The following DUS2 variants were observed in gnomAD, a reference collection of about 807,000 sequenced individuals.
DUS2 encodes dihydrouridine synthase 2, also known as tRNA-dihydrouridine(20) synthase [NAD(P)+]-like.
A neutral mutation model predicts 71.3 loss-of-function variants in DUS2; 52 were observed. That is an observed-to-expected ratio of 0.73 (90% CI 0.58 to 0.92). DUS2 has a LOEUF of 0.92. DUS2 is among the 40% of genes least tolerant of loss of function. The pLI is 0.00. For synonymous variants in DUS2, 204 were observed against 227.8 expected (o/e 0.90, Z 0.94); for missense variants, 558 against 622.6 (o/e 0.90, Z 1.10).
At position 68,035,903 on chromosome 16, in the gene DUS2, T is replaced by C. The variant is rs1220184876; in HGVS notation, c.-18-2103T>C. Among the ~76,000 whole-genome samples the C allele has an allele frequency of 9.8e-4, 50 of 50,772 alleles. 1 individual carries two copies. The highest frequency in any genetic ancestry group is 2.4e-3 in the African/African-American group (45 of 19,050). 33.3% of individuals were successfully genotyped at this position (50,772 alleles called of 152,430 possible). A position where few individuals can be genotyped will look rare whatever the true frequency, so the allele number is the denominator to read the frequency against. ...CTAATTTTATATATATATATATATA[T>C]ATATATATATATATATATATATATA... On this transcript the variant is annotated intron_variant, in intron 2 of 16. Transcript: ENST00000565263.
intron 2 of DUS2, among the ~76,000 whole-genome samples, chr16:68,026,154 C>T (rs2033346297): frequency 6.6e-6 from 1 of 152,106 alleles, no homozygotes; most frequent in African/African-American, 2.4e-5. Context: ...CCAAACCCGG[C>T]TAATTTCTGT....
At chr16:68,073,055 A>C (rs367952818) in intron 12 of DUS2, among the ~76,000 whole-genome samples, 1 of 152,198 alleles carries the variant, frequency 6.6e-6, no homozygotes, top group Admixed American at 6.5e-5. Context: ...CTGCCATGCC[A>C]GAATTTGGTG....
intron 8 of DUS2, among the ~76,000 whole-genome samples, chr16:68,061,432 C>T (rs956305466): frequency 2.0e-5 from 3 of 152,198 alleles, no homozygotes. Context: ...GTCTTGAGAG[C>T]AGAGGCCAGC....
chr16:68,058,362 CT>C (rs2033891050), intron 7 of DUS2, among the ~76,000 whole-genome samples: 1 of 151,766 alleles, frequency 6.6e-6, no homozygotes, highest in African/African-American at 2.4e-5. Context: ...GTAGCTGGGA[CT>C]ACAGGTGCCC....
Position 68,072,678 on chromosome 16 carries a change from A to C in DUS2, c.811-1356A>C, listed in dbSNP as rs146609459. On this transcript the variant is annotated intron_variant, in intron 12 of 16. Coordinates refer to ENST00000565263, the MANE Select transcript of DUS2 (RefSeq NM_017803.5). ...TCCCAGCCACTGAAGTCATAGGCCC[A>C]CGTGGAGTTACTAGAGCAGCATAGG... is the stretch of plus-strand genomic sequence containing the variant. Among the ~76,000 whole-genome samples the C allele has an allele frequency of 9.5e-3, 1,437 of 150,854 alleles. 10 individuals are homozygous for C. The highest frequency in any genetic ancestry group is 0.014 in the Non-Finnish European group (950 of 67,604).
At chr16:68,044,955 G>C (rs900767882) in intron 3 of DUS2, among the ~76,000 whole-genome samples, 1 of 151,714 alleles carries the variant, frequency 6.6e-6, no homozygotes, top group Non-Finnish European at 1.5e-5. Context: ...ACCATGCCTG[G>C]ATAATTTTTG....
intron 3 of DUS2, among the ~76,000 whole-genome samples, chr16:68,047,716 C>A (rs2033725270): frequency 6.6e-6 from 1 of 151,516 alleles, no homozygotes; most frequent in Non-Finnish European, 1.5e-5. Flanking sequence ...CTCCTGACCT[C>A]AAGTGATCTG....
intron 3 of DUS2, among the ~76,000 whole-genome samples, chr16:68,047,690 C>T (rs2033725018): frequency 6.6e-6 from 1 of 151,770 alleles, no homozygotes; most frequent in Admixed American, 6.6e-5. Flanking sequence ...ACCATGTTGG[C>T]CAGGATGGTC....
In DUS2 at chr16:68,078,864, G is replaced by C. The variant is rs34202379; in HGVS notation, c.1360G>C (p.Glu454Gln). The C allele has an allele frequency of 1.2e-3, 1,946 of 1,613,894 alleles. 35 individuals are homozygous for C. The African/African-American group carries it at 0.022, about 19-fold the overall frequency. ...ESPSLHKRKR[E>Q]APDQDPGGPR... ...CCCTTCCTTGCACAAGCGAAAGAGG[G>C]AGGCTCCTGACCAAGACCCTGGGGG... Residue 454 changes from glutamate (E) to glutamine (Q), a missense_variant, in exon 17 of 17, where the codon GAG becomes CAG. By Grantham distance (29) the Glu-to-Gln change is conservative. Transcript: ENST00000565263.
chr16:68,077,083 C>T (rs1442936868), intron 15 of DUS2, among the ~76,000 whole-genome samples: 6 of 151,964 alleles, frequency 3.9e-5, no homozygotes, highest in African/African-American at 7.3e-5. Context: ...GGTGAAACCC[C>T]GTTTTCCTAA....
intron 11 of DUS2, among the ~76,000 whole-genome samples, chr16:68,070,466 T>A (rs993957905): frequency 6.6e-6 from 1 of 152,150 alleles, no homozygotes; most frequent in African/African-American, 2.4e-5. Flanking sequence ...AGGGGGTCCT[T>A]GGAGCAGCAG....
At chr16:68,066,205 G>A in intron 8 of DUS2, 112 bp from the exon 9 acceptor site, 1 of 959,178 alleles carries the variant, frequency 1.0e-6, no homozygotes, top group Non-Finnish European at 1.7e-6. Flanking sequence ...TCACACATAT[G>A]CAAACTGTTC....
At chr16:68,028,825 T>C (rs1284365671) in intron 2 of DUS2, among the ~76,000 whole-genome samples, 1 of 152,082 alleles carries the variant, frequency 6.6e-6, no homozygotes, top group Non-Finnish European at 1.5e-5. Context: ...GAGGCTCAGC[T>C]GGGTTAATTA....
At position 68,053,614 on chromosome 16, in the gene DUS2, C is replaced by T. The variant is rs1425231629; in HGVS notation, c.223C>T (p.Arg75Cys). The T allele has an allele frequency of 3.1e-6, 5 of 1,614,078 alleles. No individual in the cohort carries two copies. Among genetic ancestry groups the T allele is most frequent in the Admixed American group, 1.7e-5 (1 of 59,996 alleles). The change falls in exon 5 of 17, where the codon CGC (arginine) becomes TGC (cysteine). Residue 75 changes from arginine (R) to cysteine (C), a missense_variant. Coordinates refer to ENST00000565263, the MANE Select transcript of DUS2 (RefSeq NM_017803.5). ...CGCCCCTGATGATCGAGTTGTCTTC[C>T]GCACCTGTGAAAGAGAGCAGAACAG... ...FVAPDDRVVF[R>C]TCEREQNRVV... is the part of the protein sequence containing the mutation.
intron 3 of DUS2, among the ~76,000 whole-genome samples, chr16:68,046,073 G>T (rs531312865): frequency 6.6e-6 from 1 of 152,038 alleles, no homozygotes; most frequent in African/African-American, 2.4e-5. Context: ...TAGATTCAGG[G>T]GTATATATGC....
intron 2 of DUS2, among the ~76,000 whole-genome samples, chr16:68,028,677 G>A (rs2033393411): frequency 6.6e-6 from 1 of 152,026 alleles, no homozygotes; most frequent in African/African-American, 2.4e-5. Flanking sequence ...TGTTGAAACC[G>A]TGAAAGCATG....
chr16:68,071,839 A>G (rs866359862), intron 12 of DUS2, among the ~76,000 whole-genome samples: 16 of 152,036 alleles, frequency 1.1e-4, no homozygotes, highest in African/African-American at 3.1e-4. Flanking sequence ...AGGTCTCCCT[A>G]TGTTGCCCAG....
chr16:68,076,835 G>A, intron 15 of DUS2, 116 bp downstream of exon 15: 1 of 765,798 alleles, frequency 1.3e-6, no homozygotes, highest in Non-Finnish European at 2.1e-6. Context: ...GCATGGAGAA[G>A]CTGCTGGTGG....
Position 68,075,349 on chromosome 16 carries a change from C to A in DUS2, c.933-6C>A. 6.3e-7 allele frequency: 1 copy of A among 1,599,532 alleles called. No homozygotes were observed. The highest frequency in any genetic ancestry group is 1.3e-5 in the African/African-American group (1 of 74,578). ...TGTTTGCTCTGATCTGCTTCTTCCT[C>A]CCTAGTGAGGCCTTTGGCCTTGGTG... On this transcript the variant is annotated splice_polypyrimidine_tract_variant and splice_region_variant and intron_variant, in intron 13 of 16. Transcript: ENST00000565263.
Sources: gnomAD v4.1 joint callset for allele counts (sites outside exome capture counted in the v4.1 genomes callset) on GRCh38, gnomAD v4.1.1 for gene constraint, MANE v1.5 for transcripts, NCBI Gene and HGNC (gene_info 2026-07-23, HGNC 2026-07-21) for gene names.